SEPTIN8: variants seen among roughly 807,000 people sequenced by gnomAD.
The protein encoded by SEPTIN8 is septin 8.
Under a neutral mutation model 53.1 loss-of-function variants are expected in SEPTIN8, and 22 were observed. The ratio of observed to expected loss-of-function variants is 0.41; its 90% confidence interval spans 0.30 to 0.59. SEPTIN8 has a LOEUF of 0.59. Among genes scored for constraint, SEPTIN8 ranks in the 20% least tolerant of loss-of-function variants. The pLI is 0.24. For synonymous variants in SEPTIN8, 228 were observed against 248.4 expected (o/e 0.92, Z 0.77); for missense variants, 536 against 638.7 (o/e 0.84, Z 1.73).
chr5:132,772,255 G>C (rs1055151870), intron 1 of SEPTIN8, among the ~76,000 whole-genome samples: 32 of 152,194 alleles, frequency 2.1e-4, no homozygotes, highest in African/African-American at 7.2e-4. Context: ...ATTTGGGATA[G>C]TGTGTTTCAA....
intron 9 of SEPTIN8, chr5:132,757,540 G>C: frequency 1.0e-6 from 1 of 985,530 alleles, no homozygotes; most frequent in Non-Finnish European, 1.2e-6. Context: ...GTCTTCCTGA[G>C]GCTTCCAGCC....
Position 132,762,496 on chromosome 5 carries a change from G to A in SEPTIN8, c.684C>T (p.Asn228=), listed in dbSNP as rs376667090. 2.4e-5 allele frequency: 38 copies of A among 1,614,218 alleles called. No individual in the cohort carries two copies. Among genetic ancestry groups the A allele is most frequent in the African/African-American group, 1.5e-4 (11 of 75,066 alleles). ...PTDDEAVAEI[N]AVMNAHLPFA... ...ACCCAACGCTCACATTCATGACTGC[G>A]TTAATCTCTGCAACAGCCTCATCAT... Residue 228 remains asparagine (N), a synonymous_variant, in exon 5 of 10, where the codon AAC becomes AAT. Coordinates refer to ENST00000378719, the MANE Select transcript of SEPTIN8 (RefSeq NM_001098811.2).
chr5:132,758,859 CAG>C, intron 9 of SEPTIN8: 2 of 1,595,344 alleles, frequency 1.3e-6, no homozygotes, highest in Non-Finnish European at 1.7e-6. Context: ...AAAACAAAAA[CAG>C]ACACATTAAA....
rs1757882709 is a variant in SEPTIN8 at position 132,777,149 on chromosome 5, C to G, written c.-12G>C. 1 of 1,168,018 alleles carries G rather than the reference C, an allele frequency of 8.6e-7. No individual in the cohort carries two copies. Among genetic ancestry groups the G allele is most frequent in the Non-Finnish European group, 1.1e-6 (1 of 946,558 alleles). The allele number at this position is 1,168,018 out of a possible 1,614,324, so 72.4% of individuals were successfully genotyped here. A position where few individuals can be genotyped will look rare whatever the true frequency, so the allele number is the denominator to read the frequency against. On this transcript the variant is annotated 5_prime_UTR_variant, in exon 1 of 10. Transcript: ENST00000378719. The surrounding 1 kb of genome is among the most constrained non-coding windows in gnomAD (Gnocchi z 4.1). ...TCGGTGGCCGCCATGGCGAGCTCCG[C>G]ACCGGGCGGGTGGGCTGGGACGAGC...
At chr5:132,779,807 A>C (rs1758014870), upstream of SEPTIN8, among the ~76,000 whole-genome samples, 1 of 152,176 alleles carries the variant, frequency 6.6e-6, no homozygotes, top group Non-Finnish European at 1.5e-5. Context: ...TGTATGCCAA[A>C]CCAGTTGTTT....
At chr5:132,764,077 C>A (rs2084441389) in intron 3 of SEPTIN8, 147 bp downstream of exon 3, 6 of 960,214 alleles carry the variant, frequency 6.2e-6, no homozygotes, top group Non-Finnish European at 9.2e-6. Flanking sequence ...AAAGGAGTAA[C>A]TGGTCTGTTG....
At position 132,761,120 on chromosome 5, in the gene SEPTIN8, G is replaced by T; in HGVS notation, c.1095+13C>A. On this transcript the variant is annotated intron_variant, in intron 8 of 9. Transcript: ENST00000378719. This position sits in a 1 kb window ranked among gnomAD's most constrained non-coding sequence, Gnocchi z 5.8. ...CTCAGCTTCCCCATCCCAGCCCCCAGCCTGGCACATACCTCCCTTTCCTTC... is the reference window on the plus strand; with the variant it reads ...CTCAGCTTCCCCATCCCAGCCCCCATCCTGGCACATACCTCCCTTTCCTTC... 6.2e-7 allele frequency: 1 copy of T among 1,614,138 alleles called. No homozygotes were observed. The highest frequency in any genetic ancestry group is 8.5e-7 in the Non-Finnish European group (1 of 1,179,994).
chr5:132,754,015 G>C (rs1018817886), intron 9 of SEPTIN8: 1 of 152,072 alleles, frequency 6.6e-6, no homozygotes, highest in Non-Finnish European at 1.4e-5. Context: ...GCCATGGGGT[G>C]GGAGGGGAAA....
At chr5:132,758,552 T>C (rs942624064) in intron 9 of SEPTIN8, 41 of 1,613,210 alleles carry the variant, frequency 2.5e-5, no homozygotes, top group Non-Finnish European at 3.2e-5. Flanking sequence ...GACCAGCCAC[T>C]GGCTCTGAAA....
chr5:132,752,732 T>C, intron 9 of SEPTIN8: 1 of 661,836 alleles, frequency 1.5e-6, no homozygotes. Context: ...CCTGAGATGG[T>C]AGGATTAGTG....
chr5:132,758,869 A>G, intron 9 of SEPTIN8: 1 of 1,570,020 alleles, frequency 6.4e-7, no homozygotes, highest in East Asian at 2.2e-5. Flanking sequence ...CAGACACATT[A>G]AAAGATATGC....
At position 132,760,825 on chromosome 5, in the gene SEPTIN8, CAG is replaced by C. The variant is rs747140674; in HGVS notation, c.1261_1262del (p.Leu421GlufsTer25). 5 of 1,613,752 alleles carry C rather than the reference CAG, an allele frequency of 3.1e-6. No homozygotes were observed. The highest frequency in any genetic ancestry group is 4.2e-6 in the Non-Finnish European group (5 of 1,180,040). ...ACTTCTTCTTGTCCTTGTCCTTCCT[CAG>C]GGGCTGCTGCGAGGTGGCGTGCAAG... is the stretch of plus-strand genomic sequence containing the variant. ...QALHATSQQP[L>X]RKDKDKKNRS... is the part of the protein sequence containing the mutation. On this transcript the variant is annotated frameshift_variant, in exon 9 of 10. Transcript: ENST00000378719. LOFTEE classifies it high-confidence loss of function. This position sits in a 1 kb window ranked among gnomAD's most constrained non-coding sequence, Gnocchi z 5.2.
rs144465993 is a variant in SEPTIN8 at position 132,760,390 on chromosome 5, G to A, written c.1286+412C>T. 1.3e-5 allele frequency among the ~76,000 whole-genome samples: 2 copies of A among 152,214 alleles called. No homozygotes were observed. The highest frequency in any genetic ancestry group is 6.5e-5 in the Admixed American group (1 of 15,290). On this transcript the variant is annotated intron_variant, in intron 9 of 9. Coordinates refer to ENST00000378719, the MANE Select transcript of SEPTIN8 (RefSeq NM_001098811.2). This position sits in a 1 kb window ranked among gnomAD's most constrained non-coding sequence, Gnocchi z 5.2. ...AGCCCTGCAGCTTCGCCCTCTCCAC[G>A]CTGCTCCTCACCCGTGCAGCCCCAC...
In SEPTIN8 at chr5:132,758,113, C is replaced by T. The variant is rs542750210; in HGVS notation, c.1286+2689G>A. 15 of 1,018,876 alleles carry T rather than the reference C, an allele frequency of 1.5e-5. No individual in the cohort carries two copies. The East Asian group carries it at 1.3e-3, about 88-fold the overall frequency. The allele number at this position is 1,018,876 out of a possible 1,614,324, so 63.1% of individuals were successfully genotyped here. A position where few individuals can be genotyped will look rare whatever the true frequency, so the allele number is the denominator to read the frequency against. On this transcript the variant is annotated intron_variant, in intron 9 of 9. Transcript: ENST00000378719. ...GCTGGACATGGTCTTGTTCATGTTC[C>T]AATTCCATCCATAAAGAAATGCCAA...
intron 1 of SEPTIN8, among the ~76,000 whole-genome samples, chr5:132,775,423 C>A (rs575631618): frequency 6.6e-6 from 1 of 152,298 alleles, no homozygotes; most frequent in East Asian, 1.9e-4. Flanking sequence ...GTGCCAGACA[C>A]AGGGCTAAGT....
chr5:132,755,072 T>A (rs957790007), intron 9 of SEPTIN8, among the ~76,000 whole-genome samples: 3 of 151,830 alleles, frequency 2.0e-5, no homozygotes, highest in Admixed American at 2.0e-4. Context: ...TCCTGGAGAG[T>A]CTCTGTCCTT....
chr5:132,759,174 C>T (rs1755644850), intron 9 of SEPTIN8, among the ~76,000 whole-genome samples: 1 of 152,252 alleles, frequency 6.6e-6, no homozygotes, highest in Non-Finnish European at 1.5e-5. Flanking sequence ...GGAAGGAGTA[C>T]TCCCAGTCAA....
upstream of SEPTIN8, among the ~76,000 whole-genome samples, chr5:132,778,551 A>G (rs867410185): frequency 6.6e-6 from 1 of 152,180 alleles, no homozygotes; most frequent in East Asian, 1.9e-4. Context: ...GCTGTTTCCC[A>G]TGCTGTATTA....
At chr5:132,758,611 G>C in intron 9 of SEPTIN8, 1 of 1,601,472 alleles carries the variant, frequency 6.2e-7, no homozygotes, top group South Asian at 1.1e-5. Context: ...GCTTTTACGT[G>C]TTTGCATAGA....
Sources: gnomAD v4.1 joint callset for allele counts (sites outside exome capture counted in the v4.1 genomes callset) on GRCh38, gnomAD v4.1.1 for gene constraint, Gnocchi (gnomAD v3.1) non-coding constraint, MANE v1.5 for transcripts, NCBI Gene and HGNC (gene_info 2026-07-23, HGNC 2026-07-21) for gene names.